TVP23A: variants seen among roughly 807,000 people sequenced by gnomAD.
TVP23A encodes the protein trans-golgi network vesicle protein 23 homolog A, also known as Golgi apparatus membrane protein TVP23 homolog A.
A neutral mutation model predicts 31.7 loss-of-function variants in TVP23A; 21 were observed. The ratio of observed to expected loss-of-function variants is 0.66; its 90% CI spans 0.47 to 0.95. The LOEUF is 0.95. Ranked by LOEUF, TVP23A falls within the 40% of genes least tolerant of loss-of-function variation. TVP23A has a pLI of 0.00. For missense variants in TVP23A, 279 were observed against 255.6 expected, an observed-to-expected ratio of 1.09 and a Z score of -0.62; for synonymous variants, 104 against 96.0, an observed-to-expected ratio of 1.08 and a Z score of -0.49.
downstream of TVP23A, among the ~76,000 whole-genome samples, chr16:10,762,559 G>A (rs1018945878): frequency 1.3e-5 from 2 of 152,214 alleles, no homozygotes; most frequent in Non-Finnish European, 2.9e-5. Flanking sequence ...GGAGCCGGGC[G>A]GGCCTCCGTT....
At chr16:10,761,514 T>C (rs770018086) in exon 9 of TVP23A, 2 of 1,527,640 alleles carry the variant, frequency 1.3e-6, no homozygotes, top group Non-Finnish European at 9.1e-7. Flanking sequence ...AAGATCTTGC[T>C]CTCATGGATG....
intron 4 of TVP23A, 81 bp downstream of exon 4, chr16:10,773,958 A>G (rs753239449): frequency 1.7e-6 from 2 of 1,151,630 alleles, no homozygotes; most frequent in Non-Finnish European, 1.3e-6. Flanking sequence ...TCAGATATGC[A>G]CAAAACTCCA....
chr16:10,766,794 C>G lies in TVP23A; in HGVS notation c.*2308G>C. On this transcript the variant is annotated 3_prime_UTR_variant, in exon 8 of 8. Coordinates refer to ENST00000299866, the MANE Select transcript of TVP23A (RefSeq NM_001079512.4). This position sits in a 1 kb window ranked among gnomAD's most constrained non-coding sequence, Gnocchi z 4.8. ...TACAGAGTTTTTGTGTTTAAATACC[C>G]TCTACTTGAGGTACGCCCTATATAA... 2.5e-6 allele frequency: 1 copy of G among 397,338 alleles called. No homozygotes were observed. Among genetic ancestry groups the G allele is most frequent in the Admixed American group, 4.4e-5 (1 of 22,714 alleles). 24.6% of individuals were successfully genotyped at this position (397,338 alleles called of 1,614,324 possible).
At chr16:10,810,720 A>G (rs188417522) in intron 2 of TVP23A, among the ~76,000 whole-genome samples, 21 of 152,186 alleles carry the variant, frequency 1.4e-4, no homozygotes, top group Non-Finnish European at 2.6e-4. Context: ...CTCAGACATC[A>G]TACCTCCTGG....
At position 10,766,749 on chromosome 16, in the gene TVP23A, T is replaced by A. The variant is rs573492417; in HGVS notation, c.*2353A>T. The A allele has an allele frequency of 1.0e-4, 41 of 395,334 alleles. No homozygotes were observed. The highest frequency in any genetic ancestry group is 7.5e-4 in the Admixed American group (17 of 22,634). The allele number at this position is 395,334 out of a possible 1,614,324, so 24.5% of individuals were successfully genotyped here. The stretch of plus-strand genomic sequence containing the variant: ...TGTGGGAGGAGAACGGGCCTGAGAA[T>A]AGGGGCTCAAAGGCCCCATTACAGA... On this transcript the variant is annotated 3_prime_UTR_variant, in exon 8 of 8. Transcript: ENST00000299866. This position sits in a 1 kb window ranked among gnomAD's most constrained non-coding sequence, Gnocchi z 4.8.
chr16:10,776,518 G>A (rs534482405), intron 2 of TVP23A, among the ~76,000 whole-genome samples: 1 of 152,286 alleles, frequency 6.6e-6, no homozygotes, highest in South Asian at 2.1e-4. Context: ...AGTTTAAATA[G>A]AGCACACAGG....
At chr16:10,790,165 G>GA in intron 2 of TVP23A, among the ~76,000 whole-genome samples, 1 of 151,138 alleles carries the variant, frequency 6.6e-6, no homozygotes. Flanking sequence ...GGGCCTGGAA[G>GA]AAAAAATCTA....
chr16:10,796,809 A>G (rs565169259), intron 2 of TVP23A, among the ~76,000 whole-genome samples: 51 of 152,302 alleles, frequency 3.3e-4, no homozygotes, highest in Middle Eastern at 3.4e-3. Context: ...TTACGACTCA[A>G]ATGAATAAGC....
At position 10,779,934 on chromosome 16, in the gene TVP23A, C is replaced by T. The variant is rs1442585244; in HGVS notation, c.90-4838G>A. Reference sequence around the variant, plus strand: ...CAAAACTCCGGCTCTAATAAAAATACAAAAATTAGCGGGTGTGGTGGTGCA... The same window carrying T: ...CAAAACTCCGGCTCTAATAAAAATATAAAAATTAGCGGGTGTGGTGGTGCA... On this transcript the variant is annotated intron_variant, in intron 2 of 7. Coordinates refer to ENST00000299866, the MANE Select transcript of TVP23A (RefSeq NM_001079512.4). This position sits in a 1 kb window ranked among gnomAD's most constrained non-coding sequence, Gnocchi z 4.9. 6.6e-6 allele frequency among the ~76,000 whole-genome samples: 1 copy of T among 151,978 alleles called. No individual in the cohort carries two copies. Among genetic ancestry groups the T allele is most frequent in the Non-Finnish European group, 1.5e-5 (1 of 67,988 alleles).
chr16:10,794,707 C>G (rs1669904911), intron 2 of TVP23A, among the ~76,000 whole-genome samples: 1 of 152,106 alleles, frequency 6.6e-6, no homozygotes, highest in South Asian at 2.1e-4. Context: ...GGGGCAAGTG[C>G]TGAAATCTGC....
intron 2 of TVP23A, among the ~76,000 whole-genome samples, 188 bp downstream of exon 2, chr16:10,817,915 C>G (rs1267459804): frequency 1.3e-5 from 2 of 152,212 alleles, no homozygotes; most frequent in South Asian, 2.1e-4. Flanking sequence ...CAACTCCACC[C>G]CTTCTTCCTC....
chr16:10,761,642 G>C, intron 8 of TVP23A: 2 of 993,458 alleles, frequency 2.0e-6, no homozygotes, highest in Non-Finnish European at 3.0e-6. Context: ...TAGGTGTTAA[G>C]GGTTCCACAT....
intron 2 of TVP23A, among the ~76,000 whole-genome samples, chr16:10,804,385 G>A (rs2033847023): frequency 6.6e-6 from 1 of 152,180 alleles, no homozygotes; most frequent in Admixed American, 6.5e-5. Context: ...AGTGGGTGAG[G>A]GCCGAAGCTC....
At chr16:10,803,244 A>AGTGTGTGTGTGTGT (rs2033786683) in intron 2 of TVP23A, among the ~76,000 whole-genome samples, 1 of 86,608 alleles carries the variant, frequency 1.2e-5, no homozygotes, top group African/African-American at 8.0e-5. Flanking sequence ...AGATCGCGCC[A>AGTGTGTGTGTGTGT]CTGTGTGTGT....
intron 2 of TVP23A, among the ~76,000 whole-genome samples, chr16:10,791,005 A>T (rs1430149945): frequency 6.6e-6 from 1 of 152,078 alleles, no homozygotes; most frequent in Non-Finnish European, 1.5e-5. Flanking sequence ...TTAACTTTGG[A>T]ATGCCCTTGG....
At chr16:10,817,134 G>A (rs1027095035) in intron 2 of TVP23A, among the ~76,000 whole-genome samples, 1 of 152,194 alleles carries the variant, frequency 6.6e-6, no homozygotes, top group African/African-American at 2.4e-5. Flanking sequence ...CTGCCACCTT[G>A]GTTTCAGCCC....
At chr16:10,774,632 CAG>C (rs1290434048) in intron 3 of TVP23A, among the ~76,000 whole-genome samples, 1 of 138,108 alleles carries the variant, frequency 7.2e-6, no homozygotes, top group African/African-American at 2.8e-5. Context: ...TTTTCCGAGA[CAG>C]AGTTTGACTC....
At chr16:10,811,820 C>A (rs2034213586) in intron 2 of TVP23A, among the ~76,000 whole-genome samples, 1 of 146,980 alleles carries the variant, frequency 6.8e-6, no homozygotes, top group Admixed American at 7.1e-5. Flanking sequence ...AGGAGAATGG[C>A]GTGAACCCGG....
At chr16:10,799,905 G>C (rs567900790) in intron 2 of TVP23A, among the ~76,000 whole-genome samples, 1 of 151,790 alleles carries the variant, frequency 6.6e-6, no homozygotes, top group Non-Finnish European at 1.5e-5. Context: ...GTCTGGAGCA[G>C]AAACCAGCCA....
Sources: gnomAD v4.1 joint callset for allele counts (sites outside exome capture counted in the v4.1 genomes callset) on GRCh38, gnomAD v4.1.1 for gene constraint, Gnocchi (gnomAD v3.1) non-coding constraint, MANE v1.5 for transcripts, NCBI Gene and HGNC (gene_info 2026-07-23, HGNC 2026-07-21) for gene names.